The following GSTA2 variants were observed in gnomAD, a reference collection of about 807,000 sequenced individuals.
The protein encoded by GSTA2 is glutathione S-transferase alpha 2.
GSTA2 carries 27 observed loss-of-function variants against 22.4 expected under a neutral mutation model. The ratio of observed to expected loss-of-function variants is 1.21; its 90% CI spans 0.89 to 1.67. GSTA2 has a LOEUF of 1.67. GSTA2 is among the 40% of genes most tolerant of loss of function. The probability of loss-of-function intolerance (pLI) is 0.00; values close to 1 mark genes in which losing one functional copy is unlikely to be tolerated. For missense variants in GSTA2, 302 were observed against 260.2 expected, an observed-to-expected ratio of 1.16 and a Z score of -1.11; for synonymous variants, 121 against 86.8, an observed-to-expected ratio of 1.39 and a Z score of -2.19.
At chr6:52,762,598 A>G (rs1762969774) in intron 1 of GSTA2, among the ~76,000 whole-genome samples, 1 of 152,126 alleles carries the variant, frequency 6.6e-6, no homozygotes, top group Non-Finnish European at 1.5e-5. Flanking sequence ...CCCCTCTCTG[A>G]GATGGTAGAG....
rs200848146 is a variant in GSTA2, at chr6:52,752,872, G to A, written c.396C>T (p.Tyr132=). The stretch of plus-strand genomic sequence containing the variant: ...CACTTACTTTTTCAAAGGCAGGGAA[G>A]TAGCGATTTTTTGTTTTCTCTTGGA... ...ALIQEKTKNR[Y]FPAFEKVLKS... The change falls in exon 5 of 7, where the codon TAC becomes TAT. Residue 132 remains tyrosine (Y), a synonymous_variant. Transcript: ENST00000493422. 3.1e-6 allele frequency: 5 copies of A among 1,613,978 alleles called. No individual in the cohort carries two copies. The Admixed American group carries it at 8.3e-5, about 27-fold the overall frequency.
At chr6:52,751,517 T>A in intron 6 of GSTA2, 60 bp downstream of exon 6, 1 of 1,611,508 alleles carries the variant, frequency 6.2e-7, no homozygotes, top group Non-Finnish European at 8.5e-7. Flanking sequence ...AGGGCCCAGA[T>A]ACAAGATCCC....
chr6:52,758,496 T>C lies in GSTA2; in HGVS notation c.-30-519A>G, dbSNP rs1284188948. Among the ~76,000 whole-genome samples the C allele has an allele frequency of 3.3e-5, 5 of 152,146 alleles. No homozygotes were observed. The South Asian group carries it at 6.2e-4, about 19-fold the overall frequency. ...TACACCAAGGACTAAAATGAAATCA[T>C]GCCTGGAAGCCAGCTGGGTGAAGGC... On this transcript the variant is annotated intron_variant, in intron 1 of 6. Transcript: ENST00000493422.
chr6:52,756,534 C>A (rs1247262726), intron 2 of GSTA2, among the ~76,000 whole-genome samples: 6 of 152,194 alleles, frequency 3.9e-5, no homozygotes, highest in African/African-American at 1.2e-4. Flanking sequence ...GTTCACTTCA[C>A]CTCCACCTTG....
At chr6:52,757,743 G>T in intron 2 of GSTA2, 118 bp downstream of exon 2, 1 of 869,384 alleles carries the variant, frequency 1.2e-6, no homozygotes. Flanking sequence ...CTTAATTACA[G>T]TCCCTTTTTA....
At chr6:52,759,720 G>A (rs1342472175) in intron 1 of GSTA2, among the ~76,000 whole-genome samples, 1 of 151,486 alleles carries the variant, frequency 6.6e-6, no homozygotes, top group Admixed American at 6.6e-5. Context: ...GAGTAGCTGG[G>A]ATTACAGGCA....
intron 1 of GSTA2, among the ~76,000 whole-genome samples, chr6:52,760,054 T>C (rs1762927957): frequency 6.6e-6 from 1 of 152,222 alleles, no homozygotes; most frequent in South Asian, 2.1e-4. Context: ...TATTTTGACA[T>C]TGTACTTTCT....
Position 52,750,438 on chromosome 6 carries a change from GT to G in GSTA2, c.*138del. ...TTAACTAAGTGGGTGAATAGGAGTT[GT>G]ATTATTTAATTAGCATATAATTTGA... On this transcript the variant is annotated 3_prime_UTR_variant, in exon 7 of 7. Coordinates refer to ENST00000493422, the MANE Select transcript of GSTA2 (RefSeq NM_000846.5). 1 of 743,982 alleles carries G rather than the reference GT, an allele frequency of 1.3e-6. No homozygotes were observed. Among genetic ancestry groups the G allele is most frequent in the Non-Finnish European group, 2.2e-6 (1 of 461,478 alleles). 46.1% of individuals were successfully genotyped at this position (743,982 alleles called of 1,614,324 possible).
At chr6:52,758,245 A>G (rs1762885468) in intron 1 of GSTA2, among the ~76,000 whole-genome samples, 1 of 152,232 alleles carries the variant, frequency 6.6e-6, no homozygotes, top group Admixed American at 6.5e-5. Context: ...TGTGGTAATA[A>G]TACATGTATA....
At chr6:52,756,015 G>T (rs762853315) in intron 3 of GSTA2, among the ~76,000 whole-genome samples, 2 of 152,082 alleles carry the variant, frequency 1.3e-5, no homozygotes, top group African/African-American at 2.4e-5. Flanking sequence ...ACAAAGAAAG[G>T]GCTTTCTCAG....
chr6:52,763,007 T>A (rs1307083707), intron 1 of GSTA2, among the ~76,000 whole-genome samples: 1 of 152,172 alleles, frequency 6.6e-6, no homozygotes, highest in Non-Finnish European at 1.5e-5. Context: ...TTCAAACTAA[T>A]TTTTTCTAAT....
chr6:52,754,970 T>C lies in GSTA2; in HGVS notation c.245A>G (p.Tyr82Cys), dbSNP rs775388202. ...LNYIASKYNL[Y>C]GKDIKEKALI... The stretch of plus-strand genomic sequence containing the variant: ...GGCTTTCTCCTTTATGTCTTTCCCA[T>C]AGAGGTTGTATTTGCTGGCAATGTA... Residue 82 changes from tyrosine to cysteine, a missense_variant, in exon 4 of 7, where the codon TAT becomes TGT. Coordinates refer to ENST00000493422, the MANE Select transcript of GSTA2 (RefSeq NM_000846.5). The C allele has an allele frequency of 3.1e-6, 5 of 1,614,058 alleles. No homozygotes were observed. The highest frequency in any genetic ancestry group is 4.2e-6 in the Non-Finnish European group (5 of 1,179,984).
At chr6:52,758,183 A>C (rs1762884284) in intron 1 of GSTA2, among the ~76,000 whole-genome samples, 1 of 152,144 alleles carries the variant, frequency 6.6e-6, no homozygotes, top group Non-Finnish European at 1.5e-5. Context: ...ACCAGTCTCA[A>C]GTTTTCACTG....
Position 52,752,895 on chromosome 6 carries a change from G to C in GSTA2, c.373C>G (p.Gln125Glu), listed in dbSNP as rs771085266. The change falls in exon 5 of 7, where the codon CAA becomes GAA. Residue 125 changes from glutamine to glutamate, a missense_variant. Coordinates refer to ENST00000493422, the MANE Select transcript of GSTA2 (RefSeq NM_000846.5). ...EEQDAKLALIQEKTKNRYFPA... is the reference protein window; with the variant it reads ...EEQDAKLALIEEKTKNRYFPA... The stretch of plus-strand genomic sequence containing the variant: ...AAGTAGCGATTTTTTGTTTTCTCTT[G>C]GATCAAGGCAAGCTTGGCATCTTGT... 1.2e-6 allele frequency: 2 copies of C among 1,613,966 alleles called. No individual in the cohort carries two copies. Among genetic ancestry groups the C allele is most frequent in the Admixed American group, 3.3e-5 (2 of 60,016 alleles).
At chr6:52,752,478 T>C (rs1762762321) in intron 5 of GSTA2, among the ~76,000 whole-genome samples, 1 of 152,232 alleles carries the variant, frequency 6.6e-6, no homozygotes, top group Non-Finnish European at 1.5e-5. Flanking sequence ...GGTGCCAGAA[T>C]GTTTTCTGAT....
chr6:52,751,984 G>A (rs1424393007), intron 5 of GSTA2, among the ~76,000 whole-genome samples: 8 of 152,124 alleles, frequency 5.3e-5, no homozygotes, highest in Non-Finnish European at 1.2e-4. Context: ...TTCCACATGG[G>A]CCAAGGGCTT....
chr6:52,762,912 G>A (rs2749017), intron 1 of GSTA2, among the ~76,000 whole-genome samples: 119,187 of 151,540 alleles, frequency 0.79, 47,945 homozygotes, highest in East Asian at 1. Flanking sequence ...TTGGCCATGA[G>A]TTGGTAGTAC....
intron 4 of GSTA2, among the ~76,000 whole-genome samples, chr6:52,754,269 T>C (rs1293896476): frequency 6.6e-6 from 1 of 152,214 alleles, no homozygotes; most frequent in African/African-American, 2.4e-5. Context: ...TCATCGGTAA[T>C]ACCATATTAA....
intron 1 of GSTA2, among the ~76,000 whole-genome samples, chr6:52,759,533 A>ACTTGC (rs1301136199): frequency 1.6e-5 from 2 of 129,026 alleles, no homozygotes; most frequent in Non-Finnish European, 3.3e-5. Flanking sequence ...ACAAAAATAT[A>ACTTGC]CTTGCCTTTA....
Sources: allele counts gnomAD v4.1 joint callset (sites outside exome capture counted in the v4.1 genomes callset), GRCh38; gene constraint gnomAD v4.1.1; transcripts MANE v1.5; gene names NCBI Gene and HGNC (gene_info 2026-07-23, HGNC 2026-07-21).